Variants in LHPP observed in about 807,000 individuals in gnomAD.
The protein encoded by LHPP is hLHPP.
LHPP carries 24 observed loss-of-function variants against 30.3 expected under a neutral mutation model. The observed-to-expected ratio is 0.79, with a 90% CI of 0.57 to 1.11. LHPP has a LOEUF of 1.11. LHPP is among the 50% of genes most tolerant of loss of function. The pLI, the probability that LHPP is intolerant of heterozygous loss-of-function variation, is 0.00. For missense variants in LHPP, 356 were observed against 367.2 expected (o/e 0.97, Z 0.25); for synonymous variants, 150 against 157.1 (o/e 0.95, Z 0.34).
At chr10:124,572,570 G>A (rs992793725) in intron 6 of LHPP, among the ~76,000 whole-genome samples, 1 of 151,858 alleles carries the variant, frequency 6.6e-6, no homozygotes, top group Non-Finnish European at 1.5e-5. Flanking sequence ...GGTGGAGGTT[G>A]CAGTAAACCG....
chr10:124,472,958 A>G (rs919080163), intron 1 of LHPP, among the ~76,000 whole-genome samples: 2 of 152,224 alleles, frequency 1.3e-5, no homozygotes. Context: ...CTGTATGGAA[A>G]GAGACTGAGG....
At chr10:124,519,875 C>T (rs1438846050) in intron 6 of LHPP, among the ~76,000 whole-genome samples, 1 of 151,998 alleles carries the variant, frequency 6.6e-6, no homozygotes, top group African/African-American at 2.4e-5. Flanking sequence ...CTCTGTCACC[C>T]AGGCTGGAGT....
chr10:124,513,351 C>A (rs190927281), intron 5 of LHPP, among the ~76,000 whole-genome samples: 104 of 151,900 alleles, frequency 6.8e-4, no homozygotes, highest in African/African-American at 2.4e-3. Flanking sequence ...TGAGTCACTG[C>A]GCCCAGCTTT....
intron 1 of LHPP, among the ~76,000 whole-genome samples, chr10:124,462,330 G>T (rs531777354): frequency 4.6e-5 from 7 of 152,136 alleles, no homozygotes; most frequent in Admixed American, 3.9e-4. Flanking sequence ...GCGGTGGCTC[G>T]CATCTGTGAT....
chr10:124,582,358 A>G (rs1221461331), intron 6 of LHPP, among the ~76,000 whole-genome samples: 6 of 152,242 alleles, frequency 3.9e-5, no homozygotes, highest in African/African-American at 1.4e-4. Context: ...TGTTGGGATT[A>G]TAGGTGTGAG....
At chr10:124,527,470 G>T (rs985550982) in intron 6 of LHPP, among the ~76,000 whole-genome samples, 3 of 152,196 alleles carry the variant, frequency 2.0e-5, no homozygotes, top group African/African-American at 7.2e-5. Context: ...TGCTCCTCTA[G>T]CTCCACTGTC....
intron 1 of LHPP, among the ~76,000 whole-genome samples, chr10:124,466,262 G>A (rs1952549689): frequency 6.6e-6 from 1 of 152,190 alleles, no homozygotes; most frequent in African/African-American, 2.4e-5. Context: ...AGGATGCACG[G>A]TGCGCTGTTT....
intron 6 of LHPP, among the ~76,000 whole-genome samples, chr10:124,571,722 C>T (rs1034534991): frequency 3.9e-5 from 6 of 152,192 alleles, no homozygotes; most frequent in Non-Finnish European, 7.3e-5. Context: ...AACCGTGTTC[C>T]CTGGCTGGCC....
chr10:124,530,025 C>T (rs1307186825), intron 6 of LHPP, among the ~76,000 whole-genome samples: 1 of 152,154 alleles, frequency 6.6e-6, no homozygotes, highest in African/African-American at 2.4e-5. Flanking sequence ...CCAGGCCACC[C>T]GCATGCATCC....
At chr10:124,544,090 C>T (rs1489501183) in intron 6 of LHPP, among the ~76,000 whole-genome samples, 2 of 152,224 alleles carry the variant, frequency 1.3e-5, no homozygotes, top group Non-Finnish European at 2.9e-5. Flanking sequence ...AGTGGGGTGA[C>T]CCTGCGAGGC....
rs1948868279 is a variant in LHPP, at chr10:124,590,446, G to A, written c.717-22818G>A. Among the ~76,000 whole-genome samples the A allele has an allele frequency of 1.3e-5, 2 of 152,144 alleles. No homozygotes were observed. Among genetic ancestry groups the A allele is most frequent in the Admixed American group, 1.3e-4 (2 of 15,276 alleles). On this transcript the variant is annotated intron_variant, in intron 6 of 6. Transcript: ENST00000368842. The surrounding 1 kb of genome is among the most constrained non-coding windows in gnomAD (Gnocchi z 4.3). ...TGAGTTGAGTTCCGACGCAGGCGTG[G>A]GCGATGGTGAGCAACTCCAGGCTAC...
chr10:124,520,977 G>A (rs192440061), intron 6 of LHPP, among the ~76,000 whole-genome samples: 3 of 152,304 alleles, frequency 2.0e-5, no homozygotes, highest in Admixed American at 6.5e-5. Flanking sequence ...TTAAATTTTT[G>A]TTAACGTGGC....
At chr10:124,464,740 C>A (rs1489093582) in intron 1 of LHPP, among the ~76,000 whole-genome samples, 1 of 152,182 alleles carries the variant, frequency 6.6e-6, no homozygotes, top group Non-Finnish European at 1.5e-5. Context: ...GAGCTCAATG[C>A]TGTGACTGGG....
chr10:124,496,087 G>A lies in LHPP; in HGVS notation c.468-874G>A, dbSNP rs1353674564. 6.6e-6 allele frequency among the ~76,000 whole-genome samples: 1 copy of A among 151,968 alleles called. No homozygotes were observed. Among genetic ancestry groups the A allele is most frequent in the African/African-American group, 2.4e-5 (1 of 41,460 alleles). On this transcript the variant is annotated intron_variant, in intron 3 of 6. Transcript: ENST00000368842. This position sits in a 1 kb window ranked among gnomAD's most constrained non-coding sequence, Gnocchi z 4.3. ...GAGGGAAACTGATGTGATGGTGGAT[G>A]GCAAAACATTTTAGTGGTTCCAAGA...
chr10:124,595,603 T>C lies in LHPP; in HGVS notation c.717-17661T>C, dbSNP rs530248289. The stretch of plus-strand genomic sequence containing the variant: ...CCAGGGAACTCAAAGCTAAGTTTTT[T>C]CGCTCACATTCCCAGGCTTCTGGTG... On this transcript the variant is annotated intron_variant, in intron 6 of 6. Coordinates refer to ENST00000368842, the MANE Select transcript of LHPP (RefSeq NM_022126.4). 6.6e-5 allele frequency among the ~76,000 whole-genome samples: 10 copies of C among 152,340 alleles called. No individual in the cohort carries two copies. In the South Asian group the frequency reaches 2.1e-3, roughly 32 times the overall value.
At chr10:124,601,967 G>A (rs1279137071) in intron 6 of LHPP, among the ~76,000 whole-genome samples, 3 of 152,190 alleles carry the variant, frequency 2.0e-5, no homozygotes, top group Non-Finnish European at 4.4e-5. Context: ...TCCAGGTCCC[G>A]TTGACCTCCA....
intron 6 of LHPP, among the ~76,000 whole-genome samples, chr10:124,539,737 A>AAAAG (rs1194150248): frequency 8.5e-6 from 1 of 117,928 alleles, no homozygotes; most frequent in East Asian, 2.0e-4. Flanking sequence ...CCCTGTCTCA[A>AAAAG]AAAAAAAAAA....
intron 6 of LHPP, among the ~76,000 whole-genome samples, chr10:124,526,446 G>A (rs759779211): frequency 1.3e-5 from 2 of 152,150 alleles, no homozygotes; most frequent in African/African-American, 2.4e-5. Context: ...TGTCAGAATC[G>A]GGATTCGAAC....
chr10:124,574,273 C>T (rs1948628321), intron 6 of LHPP, among the ~76,000 whole-genome samples: 1 of 152,046 alleles, frequency 6.6e-6, no homozygotes, highest in Non-Finnish European at 1.5e-5. Context: ...CGCTGAGGGG[C>T]ACAGGTTTGC....
Sources: allele counts gnomAD v4.1 joint callset (sites outside exome capture counted in the v4.1 genomes callset), GRCh38; gene constraint gnomAD v4.1.1; non-coding constraint Gnocchi (gnomAD v3.1); transcripts MANE v1.5; gene names NCBI Gene and HGNC (gene_info 2026-07-23, HGNC 2026-07-21).